DNAH9: variants seen among roughly 807,000 people sequenced by gnomAD.
DNAH9 encodes the protein dynein axonemal heavy chain 9.
DNAH9 carries 345 observed loss-of-function variants against 471.6 expected under a neutral mutation model. The observed-to-expected ratio is 0.73, with a 90% CI of 0.67 to 0.80. The LOEUF (loss-of-function observed/expected upper bound fraction) is 0.80. Among genes scored for constraint, DNAH9 ranks in the 30% least tolerant of loss-of-function variants. DNAH9 has a pLI of 0.00. For synonymous variants in DNAH9, 2,093 were observed against 2,123.6 expected (o/e 0.99, Z 0.40); for missense variants, 5,407 against 5,609.2 (o/e 0.96, Z 1.15).
chr17:11,679,732 C>A (rs2074101833), intron 17 of DNAH9, 25 bp from the exon 18 acceptor site: 1 of 1,508,674 alleles, frequency 6.6e-7, no homozygotes, highest in South Asian at 1.1e-5. Flanking sequence ...AGAATGGTTC[C>A]TCATGTTCTG....
chr17:11,930,028 A>T lies in DNAH9; in HGVS notation c.12040A>T (p.Ile4014Phe). The change falls in exon 63 of 69, where the codon ATC (isoleucine) becomes TTC (phenylalanine). Residue 4014 changes from isoleucine (I) to phenylalanine (F), a missense_variant. Coordinates refer to ENST00000262442, the MANE Select transcript of DNAH9 (RefSeq NM_001372.4). ...GGGCATCCTGGAGAACTCCATTAAG[A>T]TCACCAATGAGCCCCCCACGGGCAT... ...PQGILENSIK[I>F]TNEPPTGMHA... 1.2e-6 allele frequency: 2 copies of T among 1,614,080 alleles called. No individual in the cohort carries two copies. Among genetic ancestry groups the T allele is most frequent in the Non-Finnish European group, 1.7e-6 (2 of 1,180,014 alleles).
intron 50 of DNAH9, among the ~76,000 whole-genome samples, chr17:11,864,771 A>G (rs1971982267): frequency 6.6e-6 from 1 of 151,902 alleles, no homozygotes; most frequent in Non-Finnish European, 1.5e-5. Context: ...CTTTACCATT[A>G]TGTAATGGCC....
At chr17:11,908,741 G>A (rs1973688523) in intron 61 of DNAH9, among the ~76,000 whole-genome samples, 1 of 152,240 alleles carries the variant, frequency 6.6e-6, no homozygotes, top group South Asian at 2.1e-4. Context: ...GGAGCAATGT[G>A]GACAAAAAGA....
In DNAH9 at chr17:11,937,105, C is replaced by T. The variant is rs1208063907; in HGVS notation, c.12490-247C>T. On this transcript the variant is annotated intron_variant, in intron 65 of 68. Transcript: ENST00000262442. The surrounding 1 kb of genome is among the most constrained non-coding windows in gnomAD (Gnocchi z 4.1). ...GTGGAGATAGATAAAGTCATCTAAG[C>T]CTCCCAGAAAAAAGAGAATGATAGA... Among the ~76,000 whole-genome samples, 1 of 151,974 alleles carries T rather than the reference C, an allele frequency of 6.6e-6. No homozygotes were observed. Among genetic ancestry groups the T allele is most frequent in the African/African-American group, 2.4e-5 (1 of 41,362 alleles).
chr17:11,778,421 C>T (rs535821644), intron 38 of DNAH9, among the ~76,000 whole-genome samples: 24 of 135,944 alleles, frequency 1.8e-4, no homozygotes, highest in South Asian at 9.6e-4. Flanking sequence ...AGGAGGAGAA[C>T]AGGAGAGAAA....
At chr17:11,804,630 G>T (rs61470349) in intron 43 of DNAH9, among the ~76,000 whole-genome samples, 1 of 152,150 alleles carries the variant, frequency 6.6e-6, no homozygotes, top group Non-Finnish European at 1.5e-5. Context: ...TGTAATCCCA[G>T]GGAGGGAGGC....
At chr17:11,652,374 C>T (rs1001000299) in intron 13 of DNAH9, among the ~76,000 whole-genome samples, 1 of 148,612 alleles carries the variant, frequency 6.7e-6, no homozygotes, top group African/African-American at 2.5e-5. Flanking sequence ...CAAGCTCTGC[C>T]TCCCGGGTTC....
intron 1 of DNAH9, among the ~76,000 whole-genome samples, chr17:11,603,876 G>A (rs1025407203): frequency 3.9e-5 from 6 of 152,008 alleles, no homozygotes; most frequent in Non-Finnish European, 5.9e-5. Flanking sequence ...GTCCTCGTTC[G>A]GCTTGACCTG....
At chr17:11,742,153 C>A in intron 29 of DNAH9, 22 bp from the exon 30 acceptor site, 1 of 1,612,736 alleles carries the variant, frequency 6.2e-7, no homozygotes, top group Admixed American at 1.7e-5. Context: ...ACTGACTGGG[C>A]CTTCTGTCTT....
chr17:11,659,229 G>A (rs118140644), intron 14 of DNAH9, among the ~76,000 whole-genome samples: 1,744 of 152,170 alleles, frequency 0.011, 42 homozygotes, highest in East Asian at 0.096. Flanking sequence ...TTCTACAAAC[G>A]TTTTCATTTT....
At chr17:11,740,715 G>A (rs560891182) in intron 29 of DNAH9, among the ~76,000 whole-genome samples, 1 of 152,170 alleles carries the variant, frequency 6.6e-6, no homozygotes, top group African/African-American at 2.4e-5. Context: ...CCAGTGTTTA[G>A]TGAAGAAACA....
intron 19 of DNAH9, among the ~76,000 whole-genome samples, chr17:11,687,124 A>G (rs1340235144): frequency 2.6e-5 from 4 of 152,008 alleles, no homozygotes; most frequent in African/African-American, 9.7e-5. Context: ...CTCTATATAT[A>G]TGTAGAGAGA....
intron 41 of DNAH9, among the ~76,000 whole-genome samples, chr17:11,792,368 AT>A (rs1156395163): frequency 6.6e-6 from 1 of 152,252 alleles, no homozygotes; most frequent in Non-Finnish European, 1.5e-5. Context: ...TATTCTATGA[AT>A]TTAAGTAAAG....
chr17:11,880,050 AC>A, intron 53 of DNAH9, 27 bp from the exon 54 acceptor site: 3 of 1,612,596 alleles, frequency 1.9e-6, no homozygotes, highest in Non-Finnish European at 2.5e-6. Flanking sequence ...ACAGTCTCAT[AC>A]TCCCGGACTC....
rs1361296130 is a variant in DNAH9 at position 11,962,452 on chromosome 17, G to T, written c.13233+196G>T. On this transcript the variant is annotated intron_variant, in intron 68 of 68. Transcript: ENST00000262442. This position sits in a 1 kb window ranked among gnomAD's most constrained non-coding sequence, Gnocchi z 4.1. ...GCGTAAGTTTTGCAGAGGCAGTAGA[G>T]TGGAGAGGTTAATAGCAAGGGCTTT... is the stretch of plus-strand genomic sequence containing the variant. 6.6e-6 allele frequency among the ~76,000 whole-genome samples: 1 copy of T among 152,230 alleles called. No homozygotes were observed. The highest frequency in any genetic ancestry group is 1.5e-5 in the Non-Finnish European group (1 of 68,042).
intron 61 of DNAH9, among the ~76,000 whole-genome samples, chr17:11,914,437 T>C (rs996397300): frequency 7.9e-5 from 12 of 152,198 alleles, no homozygotes; most frequent in Non-Finnish European, 1.8e-4. Context: ...ACCTATTTTC[T>C]TTATATTCTA....
At position 11,653,869 on chromosome 17, in the gene DNAH9, T is replaced by G. The variant is rs949057130; in HGVS notation, c.2595+867T>G. ...GCAGCTGTTGTAGAACCCAGCCATCTGCTTTTCATTCGTCTTTCTTTCATC... is the reference window on the plus strand; with the variant it reads ...GCAGCTGTTGTAGAACCCAGCCATCGGCTTTTCATTCGTCTTTCTTTCATC... On this transcript the variant is annotated intron_variant, in intron 14 of 68. Coordinates refer to ENST00000262442, the MANE Select transcript of DNAH9 (RefSeq NM_001372.4). Among the ~76,000 whole-genome samples, 18 of 152,192 alleles carry G rather than the reference T, an allele frequency of 1.2e-4. 1 individual carries two copies.
At chr17:11,719,618 G>A in intron 27 of DNAH9, 128 bp downstream of exon 27, 2 of 885,786 alleles carry the variant, frequency 2.3e-6, no homozygotes, top group South Asian at 3.7e-5. Context: ...AGATCAGGAG[G>A]TCTCAGTTTG....
Position 11,937,208 on chromosome 17 carries a change from G to T in DNAH9, c.12490-144G>T, listed in dbSNP as rs1597849781. The T allele has an allele frequency of 3.1e-6, 3 of 973,582 alleles. No homozygotes were observed. Among genetic ancestry groups the T allele is most frequent in the East Asian group, 2.5e-5 (1 of 39,600 alleles). 60.3% of individuals were successfully genotyped at this position (973,582 alleles called of 1,614,324 possible). ...CAAGGTGCACTAATAGGTGGAGAGGGTGATGAAGTCAACCAGGGATGGTGA... is the reference window on the plus strand; with the variant it reads ...CAAGGTGCACTAATAGGTGGAGAGGTTGATGAAGTCAACCAGGGATGGTGA... On this transcript the variant is annotated intron_variant, in intron 65 of 68. Coordinates refer to ENST00000262442, the MANE Select transcript of DNAH9 (RefSeq NM_001372.4). The surrounding 1 kb of genome is among the most constrained non-coding windows in gnomAD (Gnocchi z 4.1).
Sources: allele counts gnomAD v4.1 joint callset (sites outside exome capture counted in the v4.1 genomes callset), GRCh38; gene constraint gnomAD v4.1.1; non-coding constraint Gnocchi (gnomAD v3.1); transcripts MANE v1.5; gene names NCBI Gene and HGNC (gene_info 2026-07-23, HGNC 2026-07-21).